Variants in CCDC148 observed in about 807,000 individuals in gnomAD.
CCDC148 encodes the protein coiled-coil domain containing 148.
Under a neutral mutation model 85.7 loss-of-function variants are expected in CCDC148, and 89 were observed. The ratio of observed to expected loss-of-function variants is 1.04; its 90% CI spans 0.87 to 1.24. The LOEUF (loss-of-function observed/expected upper bound fraction) is 1.24, where lower values mean the gene tolerates loss of function less well. Among genes scored for constraint, CCDC148 ranks in the 50% most tolerant of loss-of-function variants. The pLI is 0.00. For synonymous variants in CCDC148, 230 were observed against 213.9 expected, an observed-to-expected ratio of 1.08 and a Z score of -0.66; for missense variants, 692 against 671.7, an observed-to-expected ratio of 1.03 and a Z score of -0.33.
chr2:158,438,106 C>T (rs1376829413), intron 1 of CCDC148, among the ~76,000 whole-genome samples: 1 of 152,098 alleles, frequency 6.6e-6, no homozygotes, highest in Non-Finnish European at 1.5e-5. Flanking sequence ...ACTTTCTTCA[C>T]AGAATTGGAA....
At chr2:158,206,285 GA>G (rs1489415248) in intron 11 of CCDC148, among the ~76,000 whole-genome samples, 1 of 152,116 alleles carries the variant, frequency 6.6e-6, no homozygotes, top group Non-Finnish European at 1.5e-5. Flanking sequence ...CTCATTAAAC[GA>G]ATGTAGAATG....
chr2:158,247,324 A>G (rs1196614080), intron 10 of CCDC148, among the ~76,000 whole-genome samples: 1 of 152,216 alleles, frequency 6.6e-6, no homozygotes, highest in East Asian at 1.9e-4. Flanking sequence ...ACAAAAGTAA[A>G]AAAGCAAAGT....
At chr2:158,349,310 C>T (rs1316416014) in intron 2 of CCDC148, among the ~76,000 whole-genome samples, 1 of 151,786 alleles carries the variant, frequency 6.6e-6, no homozygotes, top group Non-Finnish European at 1.5e-5. Flanking sequence ...CTGTTAATTA[C>T]ATGTCTAAAA....
chr2:158,236,514 A>G (rs1688115179), intron 10 of CCDC148, among the ~76,000 whole-genome samples: 1 of 152,214 alleles, frequency 6.6e-6, no homozygotes, highest in African/African-American at 2.4e-5. Context: ...AAGGGAGTAT[A>G]TAGACTAAGG....
intron 1 of CCDC148, among the ~76,000 whole-genome samples, chr2:158,452,300 A>G (rs570044536): frequency 6.6e-6 from 1 of 152,250 alleles, no homozygotes; most frequent in Admixed American, 6.5e-5. Flanking sequence ...AGGTGCTAGG[A>G]AACGTATGAT....
chr2:158,185,166 C>T (rs79839460), intron 11 of CCDC148, among the ~76,000 whole-genome samples: 8,410 of 152,178 alleles, frequency 0.055, 779 homozygotes, highest in African/African-American at 0.19. Flanking sequence ...CATTCTTTCC[C>T]AGCCCCTATG....
intron 9 of CCDC148, among the ~76,000 whole-genome samples, 179 bp downstream of exon 9, chr2:158,309,250 TATTG>T (rs1450531837): frequency 6.6e-6 from 1 of 152,220 alleles, no homozygotes; most frequent in Non-Finnish European, 1.5e-5. Context: ...CATATGAAAT[TATTG>T]ATTATTGACT....
At chr2:158,347,807 T>C (rs1683068146) in intron 2 of CCDC148, among the ~76,000 whole-genome samples, 1 of 152,158 alleles carries the variant, frequency 6.6e-6, no homozygotes. Context: ...GTTACATGTA[T>C]GTATATGTTT....
At chr2:158,324,779 TGAGTA>T (rs1274664656) in intron 7 of CCDC148, among the ~76,000 whole-genome samples, 1 of 152,170 alleles carries the variant, frequency 6.6e-6, no homozygotes, top group East Asian at 1.9e-4. Context: ...ATTGCTTTGA[TGAGTA>T]GAGAGGCTTT....
chr2:158,439,328 G>A (rs868486774), intron 1 of CCDC148, among the ~76,000 whole-genome samples: 1 of 151,130 alleles, frequency 6.6e-6, no homozygotes, highest in Non-Finnish European at 1.5e-5. Context: ...CCTTTGTAGG[G>A]ACATGGATGA....
chr2:158,348,850 G>A (rs1168558994), intron 2 of CCDC148, among the ~76,000 whole-genome samples: 2 of 152,028 alleles, frequency 1.3e-5, no homozygotes, highest in African/African-American at 4.8e-5. Flanking sequence ...AGAGGCTTGA[G>A]CTGGACAAGA....
At chr2:158,406,617 T>TTTTTTCTGTTTTTTTTTTTG (rs1260129861) in intron 1 of CCDC148, among the ~76,000 whole-genome samples, 1,708 of 39,150 alleles carry the variant, frequency 0.044, 65 homozygotes, top group Middle Eastern at 0.14. Flanking sequence ...AAATTTCTTT[T>TTTTTTCTGTTTTTTTTTTTG]TTTTTTTTTT....
intron 3 of CCDC148, among the ~76,000 whole-genome samples, chr2:158,341,251 C>T (rs991926034): frequency 2.0e-5 from 3 of 151,050 alleles, no homozygotes; most frequent in South Asian, 2.1e-4. Context: ...TATGTATATA[C>T]TAATAAGAGC....
chr2:158,248,775 C>T (rs1688673980), intron 10 of CCDC148, among the ~76,000 whole-genome samples: 1 of 152,094 alleles, frequency 6.6e-6, no homozygotes, highest in Non-Finnish European at 1.5e-5. Context: ...ATTTAATTTA[C>T]ACACACAACT....
chr2:158,390,584 G>C (rs1422832607), intron 1 of CCDC148, among the ~76,000 whole-genome samples: 1 of 152,124 alleles, frequency 6.6e-6, no homozygotes, highest in South Asian at 2.1e-4. Flanking sequence ...CCTGAAGTCA[G>C]TCTTTACCCA....
intron 11 of CCDC148, among the ~76,000 whole-genome samples, chr2:158,185,605 G>A (rs1312532019): frequency 6.6e-6 from 1 of 152,042 alleles, no homozygotes; most frequent in African/African-American, 2.4e-5. Context: ...ACTTCAATCT[G>A]GGAGTCCCAT....
At chr2:158,230,012 TC>T in intron 10 of CCDC148, among the ~76,000 whole-genome samples, 1 of 152,286 alleles carries the variant, frequency 6.6e-6, no homozygotes, top group East Asian at 1.9e-4. Flanking sequence ...ACTAGTGAGT[TC>T]CACAGGATCG....
intron 2 of CCDC148, among the ~76,000 whole-genome samples, chr2:158,357,324 A>C (rs1231118405): frequency 6.6e-6 from 1 of 152,138 alleles, no homozygotes; most frequent in African/African-American, 2.4e-5. Context: ...TTTGCTGACT[A>C]TTGTATCTTC....
At chr2:158,375,952 T>C (rs1255562542) in intron 1 of CCDC148, among the ~76,000 whole-genome samples, 1 of 152,126 alleles carries the variant, frequency 6.6e-6, no homozygotes, top group Non-Finnish European at 1.5e-5. Flanking sequence ...CTGGACTTGT[T>C]GTATTGAGAA....
Sources: allele counts gnomAD v4.1 joint callset (sites outside exome capture counted in the v4.1 genomes callset), GRCh38; gene constraint gnomAD v4.1.1; transcripts MANE v1.5; gene names NCBI Gene and HGNC (gene_info 2026-07-23, HGNC 2026-07-21).